The following CACNA2D4 variants were observed in gnomAD, a reference collection of about 807,000 sequenced individuals.
CACNA2D4 encodes calcium voltage-gated channel auxiliary subunit alpha2delta 4, also known as voltage-dependent calcium channel subunit alpha-2/delta-4.
Under a neutral mutation model 163.8 loss-of-function variants are expected in CACNA2D4, and 157 were observed. The ratio of observed to expected loss-of-function variants is 0.96; its 90% CI spans 0.84 to 1.09. The LOEUF (loss-of-function observed/expected upper bound fraction) is 1.09. Ranked by LOEUF, CACNA2D4 falls within the 50% of genes least tolerant of loss-of-function variation. The pLI, the probability that CACNA2D4 is intolerant of heterozygous loss-of-function variation, is 0.00. For missense variants in CACNA2D4, 1,410 were observed against 1,479.9 expected (o/e 0.95, Z 0.78); for synonymous variants, 598 against 586.9 (o/e 1.02, Z -0.27).
At position 1,878,593 on chromosome 12, in the gene CACNA2D4, G is replaced by A. The variant is rs1051772596; in HGVS notation, c.1645-204C>T. On this transcript the variant is annotated intron_variant, in intron 15 of 37. Transcript: ENST00000382722. The surrounding 1 kb of genome is among the most constrained non-coding windows in gnomAD (Gnocchi z 4.6). ...CCAAACCGGACTGTTTATAGCAACC[G>A]TCATCATACATATTATTACCTGACT... Among the ~76,000 whole-genome samples, 9 of 151,886 alleles carry A rather than the reference G, an allele frequency of 5.9e-5. No homozygotes were observed. The highest frequency in any genetic ancestry group is 1.9e-4 in the African/African-American group (8 of 41,390).
rs60739615 is a variant in CACNA2D4, at chr12:1,802,015, C to CTGTGTGTG, written c.2722-379_2722-372dup. 1.2e-3 allele frequency among the ~76,000 whole-genome samples: 175 copies of CTGTGTGTG among 144,268 alleles called. No homozygotes were observed. The highest frequency in any genetic ancestry group is 8.8e-3 in the East Asian group (42 of 4,774). The allele number at this position is 144,268 out of a possible 152,430, so 94.6% of individuals were successfully genotyped here. On this transcript the variant is annotated intron_variant, in intron 29 of 37. Transcript: ENST00000382722. This position sits in a 1 kb window ranked among gnomAD's most constrained non-coding sequence, Gnocchi z 4.7. ...TATGAAACTGGATTTGTTTTATATGCTGTGTGTGTGTGTGTGTGTGTGTGT... is the reference window on the plus strand; with the variant it reads ...TATGAAACTGGATTTGTTTTATATGCTGTGTGTGTGTGTGTGTGTGTGTGTGTGTGTGT...
In CACNA2D4 at chr12:1,860,215, G is replaced by A. The variant is rs760499058; in HGVS notation, c.1879-9C>T. On this transcript the variant is annotated splice_polypyrimidine_tract_variant and intron_variant, in intron 18 of 37. Transcript: ENST00000382722. ...AGGAAAAGAACTCGCTTCTGAAAGA[G>A]TAGACAAGGAAAGAGTGCTCACGCA... is the stretch of plus-strand genomic sequence containing the variant. 2 of 1,612,272 alleles carry A rather than the reference G, an allele frequency of 1.2e-6. No individual in the cohort carries two copies. Among genetic ancestry groups the A allele is most frequent in the South Asian group, 1.1e-5 (1 of 90,942 alleles).
chr12:1,855,159 C>A (rs1326603523), intron 22 of CACNA2D4, among the ~76,000 whole-genome samples: 1 of 152,128 alleles, frequency 6.6e-6, no homozygotes, highest in Non-Finnish European at 1.5e-5. Context: ...TGCTTATCAC[C>A]TGGCTTCTCC....
rs372571017 is a variant in CACNA2D4, at chr12:1,818,585, A to G, written c.2552-6862T>C. Among the ~76,000 whole-genome samples the G allele has an allele frequency of 1.6e-3, 239 of 149,678 alleles. 3 individuals are homozygous for G. Among genetic ancestry groups the G allele is most frequent in the African/African-American group, 4.7e-3 (186 of 39,650 alleles). On this transcript the variant is annotated intron_variant, in intron 26 of 37. Coordinates refer to ENST00000382722, the MANE Select transcript of CACNA2D4 (RefSeq NM_172364.5). ...TGCTTGAAGGCAGCATGCTCGTTAA[A>G]AGTCATCACCACTCCCTAATCTCAA...
chr12:1,871,027 C>G (rs141635032), intron 18 of CACNA2D4, among the ~76,000 whole-genome samples: 1 of 152,166 alleles, frequency 6.6e-6, no homozygotes, highest in African/African-American at 2.4e-5. Context: ...TGAATGCCAG[C>G]CGCTGGTGTG....
intron 13 of CACNA2D4, 127 bp downstream of exon 13, chr12:1,882,740 C>A: frequency 1.0e-6 from 1 of 953,914 alleles, no homozygotes; most frequent in Non-Finnish European, 1.6e-6. Flanking sequence ...TTCATTCGCC[C>A]CTTCTTAATG....
rs1050436837 is a variant in CACNA2D4, at chr12:1,843,836, C to G, written c.2470+566G>C. Reference sequence around the variant, plus strand: ...AGGGATTTTGTGGTTGCCTCATACCCCACCCTCCCCACCACCTGCCTGGCA... The same window carrying G: ...AGGGATTTTGTGGTTGCCTCATACCGCACCCTCCCCACCACCTGCCTGGCA... On this transcript the variant is annotated intron_variant, in intron 25 of 37. Transcript: ENST00000382722. The surrounding 1 kb of genome is among the most constrained non-coding windows in gnomAD (Gnocchi z 4.6). Among the ~76,000 whole-genome samples the G allele has an allele frequency of 6.6e-6, 1 of 152,134 alleles. No homozygotes were observed. The highest frequency in any genetic ancestry group is 6.5e-5 in the Admixed American group (1 of 15,280).
At chr12:1,871,102 GTGC>G (rs147331108) in intron 18 of CACNA2D4, among the ~76,000 whole-genome samples, 7,870 of 152,038 alleles carry the variant, frequency 0.052, 294 homozygotes, top group Non-Finnish European at 0.079. Flanking sequence ...GTGTACGTGT[GTGC>G]TGCTGTTGTG....
At position 1,792,444 on chromosome 12, in the gene CACNA2D4, T is replaced by G. The variant is rs1387025313; in HGVS notation, c.*1211A>C. The G allele has an allele frequency of 8.2e-6, 1 of 121,634 alleles. No homozygotes were observed. Among genetic ancestry groups the G allele is most frequent in the African/African-American group, 2.5e-5 (1 of 39,910 alleles). The allele number at this position is 121,634 out of a possible 1,614,324, so 7.5% of individuals were successfully genotyped here. ...TTTGAAGTGTGGAGGCTGAGGGTGA[T>G]GGAGGAGCGGGGGGAAGCGCCCCAA... On this transcript the variant is annotated 3_prime_UTR_variant, in exon 38 of 38. Transcript: ENST00000382722.
intron 1 of CACNA2D4, among the ~76,000 whole-genome samples, chr12:1,916,192 T>A (rs1866972727): frequency 6.6e-6 from 1 of 152,114 alleles, no homozygotes; most frequent in Non-Finnish European, 1.5e-5. Flanking sequence ...CAATTAAGAC[T>A]ATCAGGAAGG....
intron 6 of CACNA2D4, among the ~76,000 whole-genome samples, chr12:1,903,686 T>C (rs1399934333): frequency 1.3e-5 from 2 of 151,856 alleles, no homozygotes; most frequent in African/African-American, 4.8e-5. Flanking sequence ...CTTACCCTAA[T>C]TAAAATGGCT....
rs769219605 is a variant in CACNA2D4, at chr12:1,913,089, C to T, written c.360G>A (p.Leu120=). The T allele has an allele frequency of 1.9e-6, 3 of 1,613,932 alleles. No homozygotes were observed. The South Asian group carries it at 3.3e-5, about 18-fold the overall frequency. Residue 120 remains leucine, a synonymous_variant, in exon 3 of 38, where the codon TTG becomes TTA. Coordinates refer to ENST00000382722, the MANE Select transcript of CACNA2D4 (RefSeq NM_172364.5). Reference sequence around the variant, plus strand: ...CCTCTGAGAACTTCCTCACCAGCTCCAAGCCATCCACCTCCTCGATCTTCA... The same window carrying T: ...CCTCTGAGAACTTCCTCACCAGCTCTAAGCCATCCACCTCCTCGATCTTCA... ...SSLKIEEVDG[L]ELVRKFSEDM...
chr12:1,911,387 G>A (rs571330054), intron 3 of CACNA2D4, among the ~76,000 whole-genome samples: 3 of 152,068 alleles, frequency 2.0e-5, no homozygotes, highest in Non-Finnish European at 4.4e-5. Flanking sequence ...GGTGGGGGAA[G>A]TGCTTTGGGA....
At chr12:1,827,928 C>T in intron 26 of CACNA2D4, 1 of 414,000 alleles carries the variant, frequency 2.4e-6, no homozygotes, top group Non-Finnish European at 4.2e-6. Flanking sequence ...TTCCTGGCTC[C>T]TCTTCTTCCC....
At position 1,797,465 on chromosome 12, in the gene CACNA2D4, C is replaced by T. The variant is rs756410148; in HGVS notation, c.3066G>A (p.Pro1022=). ...DTEYPVFVYQ[P]AIREANGIVE... The stretch of plus-strand genomic sequence containing the variant: ...CGATCCCGTTGGCCTCCCGGATGGC[C>T]GGCTGGTACACGAACACGGGGTACT... Residue 1022 remains proline (P), a synonymous_variant, in exon 35 of 38, where the codon CCG becomes CCA. Coordinates refer to ENST00000382722, the MANE Select transcript of CACNA2D4 (RefSeq NM_172364.5). 6.3e-6 allele frequency: 10 copies of T among 1,584,810 alleles called. No homozygotes were observed. In the Admixed American group the frequency reaches 1.8e-4, roughly 28 times the overall value.
At chr12:1,911,944 G>T (rs1866831482) in intron 3 of CACNA2D4, among the ~76,000 whole-genome samples, 1 of 152,216 alleles carries the variant, frequency 6.6e-6, no homozygotes, top group Admixed American at 6.5e-5. Flanking sequence ...ACCCAGGATA[G>T]GCTCTTGAGT....
chr12:1,816,631 A>G (rs1863882152), intron 26 of CACNA2D4, among the ~76,000 whole-genome samples: 1 of 152,360 alleles, frequency 6.6e-6, no homozygotes, highest in South Asian at 2.1e-4. Context: ...AAGAGCCTCA[A>G]TAAGGCCAGA....
At position 1,830,966 on chromosome 12, in the gene CACNA2D4, G is replaced by T. The variant is rs754091278; in HGVS notation, c.2551+9773C>A. On this transcript the variant is annotated intron_variant, in intron 26 of 37. Transcript: ENST00000382722. Reference sequence around the variant, plus strand: ...CCTGCTGGATCGCCCTGTATGCTGTGGAGGCCCTCCCCACCTGCCCTTTCT... The same window carrying T: ...CCTGCTGGATCGCCCTGTATGCTGTTGAGGCCCTCCCCACCTGCCCTTTCT... 1.9e-6 allele frequency: 3 copies of T among 1,612,646 alleles called. No homozygotes were observed. The Admixed American group carries it at 5.0e-5, about 27-fold the overall frequency.
rs767271468 is a variant in CACNA2D4, at chr12:1,831,318, G to A, written c.2551+9421C>T. On this transcript the variant is annotated intron_variant, in intron 26 of 37. Transcript: ENST00000382722. ...CCGCCACCTGGACCTGTCCATCAACGGCCTGGCCCAGTTGCCCCCTGGTCT... is the reference window on the plus strand; with the variant it reads ...CCGCCACCTGGACCTGTCCATCAACAGCCTGGCCCAGTTGCCCCCTGGTCT... 17 of 1,613,638 alleles carry A rather than the reference G, an allele frequency of 1.1e-5. No homozygotes were observed. The Middle Eastern group carries it at 4.9e-4, about 47-fold the overall frequency.
Sources: gnomAD v4.1 joint callset for allele counts (sites outside exome capture counted in the v4.1 genomes callset) on GRCh38, gnomAD v4.1.1 for gene constraint, Gnocchi (gnomAD v3.1) non-coding constraint, MANE v1.5 for transcripts, NCBI Gene and HGNC (gene_info 2026-07-23, HGNC 2026-07-21) for gene names.